CCDC85C: variants seen among roughly 807,000 people sequenced by gnomAD.
CCDC85C encodes the protein coiled-coil domain-containing protein 85C.
CCDC85C carries 18 observed loss-of-function variants against 38.3 expected under a neutral mutation model. The observed-to-expected ratio is 0.47, with a 90% CI of 0.33 to 0.70. The LOEUF (loss-of-function observed/expected upper bound fraction) is 0.70. CCDC85C is among the 30% of genes least tolerant of loss of function. The pLI is 0.03. For missense variants in CCDC85C, 566 were observed against 621.2 expected, an observed-to-expected ratio of 0.91 and a Z score of 0.94; for synonymous variants, 264 against 293.8, an observed-to-expected ratio of 0.90 and a Z score of 1.04.
Position 99,513,957 on chromosome 14 carries a change from A to G in CCDC85C, c.*1289T>C, listed in dbSNP as rs1318374257. On this transcript the variant is annotated 3_prime_UTR_variant, in exon 6 of 6. Coordinates refer to ENST00000380243, the MANE Select transcript of CCDC85C (RefSeq NM_001144995.2). Reference sequence around the variant, plus strand: ...CATGGTCATTTACACTGAAGATCTCACTTGATGCCAGAATCCTGTGAGGAG... The same window carrying G: ...CATGGTCATTTACACTGAAGATCTCGCTTGATGCCAGAATCCTGTGAGGAG... 6.6e-6 allele frequency: 1 copy of G among 152,178 alleles called. No homozygotes were observed. Among genetic ancestry groups the G allele is most frequent in the Non-Finnish European group, 1.5e-5 (1 of 68,044 alleles). The allele number at this position is 152,178 out of a possible 1,614,324, so 9.4% of individuals were successfully genotyped here.
rs138127897 is a variant in CCDC85C, at chr14:99,535,684, GC to G, written c.867+330del. ...GGCGGGGAGGCTTCCGTGTGAGTCT[GC>G]CCCATCTCCTGCCTGGATCTGCCCA... On this transcript the variant is annotated intron_variant, in intron 2 of 5. Coordinates refer to ENST00000380243, the MANE Select transcript of CCDC85C (RefSeq NM_001144995.2). The surrounding 1 kb of genome is among the most constrained non-coding windows in gnomAD (Gnocchi z 5.5). Among the ~76,000 whole-genome samples the G allele has an allele frequency of 0.018, 2,717 of 152,230 alleles. 87 individuals carry two copies. The highest frequency in any genetic ancestry group is 0.062 in the African/African-American group (2,572 of 41,522).
intron 3 of CCDC85C, among the ~76,000 whole-genome samples, chr14:99,521,593 A>G (rs944046911): frequency 3.3e-5 from 5 of 152,206 alleles, no homozygotes; most frequent in African/African-American, 1.2e-4. Context: ...CAAGGCCCCC[A>G]GTCCTAGGAG....
chr14:99,510,801 CT>C lies in CCDC85C; in HGVS notation c.*4444del. ...GAGATAACGTGAGCCTTTTTTCCCT[CT>C]TTGTTTTTTTAACAAGATTTTCTAA... On this transcript the variant is annotated 3_prime_UTR_variant, in exon 6 of 6. Coordinates refer to ENST00000380243, the MANE Select transcript of CCDC85C (RefSeq NM_001144995.2). 7.1e-7 allele frequency: 1 copy of C among 1,412,448 alleles called. No individual in the cohort carries two copies. Among genetic ancestry groups the C allele is most frequent in the Non-Finnish European group, 9.2e-7 (1 of 1,082,794 alleles). The allele number at this position is 1,412,448 out of a possible 1,614,324, so 87.5% of individuals were successfully genotyped here.
intron 3 of CCDC85C, among the ~76,000 whole-genome samples, chr14:99,518,014 G>C (rs1884523): frequency 0.87 from 132,928 of 152,170 alleles, 59,919 homozygotes; most frequent in East Asian, 1. Flanking sequence ...GGACATCTTC[G>C]GGGCTCCCAC....
chr14:99,577,266 C>A (rs77404703), intron 1 of CCDC85C, among the ~76,000 whole-genome samples: 3,899 of 151,706 alleles, frequency 0.026, 151 homozygotes, highest in African/African-American at 0.089. Flanking sequence ...GGCCACTATG[C>A]GCCTCCGGTT....
In CCDC85C at chr14:99,501,444, GTA is replaced by G. The variant is rs1185242060; in HGVS notation, c.*13800_*13801del. On this transcript the variant is annotated 3_prime_UTR_variant, in exon 6 of 6. Transcript: ENST00000380243. ...CATGTTCAAATGTTGATTAATTACAGTATTTTAAAATAGGCAGAGACTTTATG... is the reference window on the plus strand; with the variant it reads ...CATGTTCAAATGTTGATTAATTACAGTTTTAAAATAGGCAGAGACTTTATG... The G allele has an allele frequency of 1.4e-6, 2 of 1,412,390 alleles. No homozygotes were observed. Among genetic ancestry groups the G allele is most frequent in the Non-Finnish European group, 2.0e-6 (2 of 1,000,148 alleles). 87.5% of individuals were successfully genotyped at this position (1,412,390 alleles called of 1,614,324 possible). A position where few individuals can be genotyped will look rare whatever the true frequency, so the allele number is the denominator to read the frequency against.
intron 1 of CCDC85C, among the ~76,000 whole-genome samples, chr14:99,549,931 C>T (rs991392766): frequency 1.3e-5 from 2 of 152,166 alleles, no homozygotes; most frequent in South Asian, 2.1e-4. Context: ...GCTGTGTGCC[C>T]GTGAGGGCTG....
chr14:99,603,433 G>A lies in CCDC85C; in HGVS notation c.527C>T (p.Ser176Phe), dbSNP rs1464965529. Residue 176 changes from serine to phenylalanine, a missense_variant, in exon 1 of 6, where the codon TCC becomes TTC. Coordinates refer to ENST00000380243, the MANE Select transcript of CCDC85C (RefSeq NM_001144995.2). The surrounding 1 kb of genome is among the most constrained non-coding windows in gnomAD (Gnocchi z 7.5). ...GGGGGGGGAG[S>F]RSSIDSQASL... The stretch of plus-strand genomic sequence containing the variant: ...GGCCTGGCTGTCGATGGAGCTGCGG[G>A]AGCCGGCGCCGCCCCCGCCGCCGCC... 4 of 1,268,942 alleles carry A rather than the reference G, an allele frequency of 3.2e-6. No individual in the cohort carries two copies. The highest frequency in any genetic ancestry group is 2.0e-6 in the Non-Finnish European group (2 of 1,011,022). 78.6% of individuals were successfully genotyped at this position (1,268,942 alleles called of 1,614,324 possible). A position where few individuals can be genotyped will look rare whatever the true frequency, so the allele number is the denominator to read the frequency against.
intron 1 of CCDC85C, among the ~76,000 whole-genome samples, chr14:99,546,060 G>GT (rs377487764): frequency 1.1e-3 from 172 of 151,996 alleles, no homozygotes; most frequent in African/African-American, 4.1e-3. Context: ...GTCTGCATGG[G>GT]GGGGGGGAAT....
intron 1 of CCDC85C, among the ~76,000 whole-genome samples, chr14:99,537,641 G>A (rs1241641499): frequency 1.3e-5 from 2 of 152,062 alleles, no homozygotes; most frequent in African/African-American, 2.4e-5. Context: ...GCCTTCTAGA[G>A]AGGAGAGAAG....
chr14:99,539,564 G>A (rs1035866419), intron 1 of CCDC85C, among the ~76,000 whole-genome samples: 1 of 152,006 alleles, frequency 6.6e-6, no homozygotes, highest in Non-Finnish European at 1.5e-5. Context: ...AACAGCTGAG[G>A]GTTCTACCCT....
At chr14:99,559,386 G>A (rs1187027705) in intron 1 of CCDC85C, among the ~76,000 whole-genome samples, 1 of 152,122 alleles carries the variant, frequency 6.6e-6, no homozygotes, top group Non-Finnish European at 1.5e-5. Context: ...GTGGCCATTC[G>A]TGGTAGTGCC....
In CCDC85C at chr14:99,530,245, G is replaced by A. The variant is rs184856260; in HGVS notation, c.867+5770C>T. Among the ~76,000 whole-genome samples the A allele has an allele frequency of 9.8e-5, 15 of 152,350 alleles. No homozygotes were observed. The East Asian group carries it at 1.7e-3, about 18-fold the overall frequency. On this transcript the variant is annotated intron_variant, in intron 2 of 5. Transcript: ENST00000380243. ...CATTGGCTGGAAGGCTGGAAAGAGG[G>A]GGTTTCCTCCCTGGGCAAGGGAGAG...
rs907436367 is a variant in CCDC85C, at chr14:99,603,791, T to A, written c.169A>T (p.Asn57Tyr). ...AGCAGGTGCTGCTGCAGCCGCCGGT[T>A]CACGTCGCGCATCAGGCCGCCGTGC... ...LEHGGLMRDV[N>Y]RRLQQHLLEI... Residue 57 changes from asparagine to tyrosine, a missense_variant, in exon 1 of 6, where the codon AAC becomes TAC. Coordinates refer to ENST00000380243, the MANE Select transcript of CCDC85C (RefSeq NM_001144995.2). The surrounding 1 kb of genome is among the most constrained non-coding windows in gnomAD (Gnocchi z 7.5). 6.6e-7 allele frequency: 1 copy of A among 1,525,606 alleles called. No homozygotes were observed. The highest frequency in any genetic ancestry group is 8.8e-7 in the Non-Finnish European group (1 of 1,142,476). 94.5% of individuals were successfully genotyped at this position (1,525,606 alleles called of 1,614,324 possible).
intron 2 of CCDC85C, chr14:99,534,598 G>T: frequency 1.4e-6 from 1 of 702,040 alleles, no homozygotes; most frequent in South Asian, 1.5e-5. Flanking sequence ...CACACTGCAT[G>T]GGGACCTTCT....
intron 1 of CCDC85C, among the ~76,000 whole-genome samples, chr14:99,566,718 C>T (rs912935162): frequency 7.9e-5 from 12 of 152,334 alleles, no homozygotes; most frequent in East Asian, 5.8e-4. Flanking sequence ...CTCTGCCCCA[C>T]GTCCACTGGC....
intron 5 of CCDC85C, among the ~76,000 whole-genome samples, chr14:99,515,980 C>A (rs929730521): frequency 6.6e-6 from 1 of 152,128 alleles, no homozygotes; most frequent in Admixed American, 6.5e-5. Context: ...ACACCAGGGG[C>A]CCTCTGGGAA....
intron 1 of CCDC85C, among the ~76,000 whole-genome samples, chr14:99,581,978 T>C (rs77481446): frequency 0.075 from 11,350 of 152,242 alleles, 677 homozygotes; most frequent in African/African-American, 0.16. Context: ...CATCAGAGCA[T>C]GCCCCGTTTC....
At chr14:99,594,008 T>C (rs2055116943) in intron 1 of CCDC85C, among the ~76,000 whole-genome samples, 1 of 134,450 alleles carries the variant, frequency 7.4e-6, no homozygotes, top group African/African-American at 2.7e-5. Flanking sequence ...CTTGGGGAGG[T>C]TTGATTTTGC....
Sources: allele counts gnomAD v4.1 joint callset (sites outside exome capture counted in the v4.1 genomes callset), GRCh38; gene constraint gnomAD v4.1.1; non-coding constraint Gnocchi (gnomAD v3.1); transcripts MANE v1.5; gene names NCBI Gene and HGNC (gene_info 2026-07-23, HGNC 2026-07-21).